PTPRT: variants seen among roughly 807,000 people sequenced by gnomAD.
PTPRT encodes receptor-type tyrosine-protein phosphatase T.
PTPRT carries 56 observed loss-of-function variants against 176.8 expected under a neutral mutation model. The observed-to-expected ratio is 0.32, with a 90% CI of 0.26 to 0.40. The LOEUF (loss-of-function observed/expected upper bound fraction) is 0.40. Among genes scored for constraint, PTPRT ranks in the 10% least tolerant of loss-of-function variants. PTPRT has a pLI of 1.00. For synonymous variants in PTPRT, 783 were observed against 739.0 expected, an observed-to-expected ratio of 1.06 and a Z score of -0.96; for missense variants, 1,540 against 1,908.2, an observed-to-expected ratio of 0.81 and a Z score of 3.60.
At chr20:42,180,219 T>A (rs1681676939) in intron 16 of PTPRT, among the ~76,000 whole-genome samples, 1 of 152,278 alleles carries the variant, frequency 6.6e-6, no homozygotes, top group Middle Eastern at 3.4e-3. Flanking sequence ...GAGAAGTCCA[T>A]ATTTCTTATG....
intron 2 of PTPRT, among the ~76,000 whole-genome samples, chr20:42,836,636 G>A (rs1012112755): frequency 3.3e-5 from 5 of 152,174 alleles, no homozygotes; most frequent in African/African-American, 7.2e-5. Context: ...GGGATGAGCC[G>A]AGCTTTGGAA....
chr20:42,876,014 A>T (rs1412621162), intron 2 of PTPRT, among the ~76,000 whole-genome samples: 1 of 152,184 alleles, frequency 6.6e-6, no homozygotes, highest in African/African-American at 2.4e-5. Flanking sequence ...CTATTACCAC[A>T]TACAGATACT....
At chr20:42,899,603 C>T (rs2079366001) in intron 1 of PTPRT, among the ~76,000 whole-genome samples, 1 of 152,196 alleles carries the variant, frequency 6.6e-6, no homozygotes, top group Non-Finnish European at 1.5e-5. Context: ...TGTTTATTTA[C>T]TCATTTACTT....
intron 1 of PTPRT, among the ~76,000 whole-genome samples, chr20:43,157,318 G>A (rs1302747123): frequency 6.6e-6 from 1 of 152,166 alleles, no homozygotes; most frequent in Non-Finnish European, 1.5e-5. Flanking sequence ...GAGTCCTGAT[G>A]ATGCCACTGC....
chr20:42,230,973 G>A (rs2056122387), intron 15 of PTPRT, among the ~76,000 whole-genome samples: 1 of 152,028 alleles, frequency 6.6e-6, no homozygotes, highest in Admixed American at 6.6e-5. Context: ...CTAACCCTTT[G>A]GCTACCTCTG....
chr20:42,495,685 CAT>C (rs1478153204), intron 7 of PTPRT, among the ~76,000 whole-genome samples: 1 of 152,158 alleles, frequency 6.6e-6, no homozygotes, highest in African/African-American at 2.4e-5. Flanking sequence ...CTATTTAAGA[CAT>C]AGGGGAAAAT....
chr20:42,248,387 A>T (rs891600231), intron 14 of PTPRT, among the ~76,000 whole-genome samples: 2 of 152,188 alleles, frequency 1.3e-5, no homozygotes, highest in African/African-American at 4.8e-5. Context: ...CACAGCAGTT[A>T]ACTCCTATAA....
intron 9 of PTPRT, among the ~76,000 whole-genome samples, chr20:42,435,886 T>C (rs1397363166): frequency 1.3e-5 from 2 of 152,140 alleles, no homozygotes; most frequent in Non-Finnish European, 2.9e-5. Flanking sequence ...GAAGCTGTAA[T>C]AAATATGACT....
At chr20:42,218,363 T>G (rs949316978) in intron 15 of PTPRT, among the ~76,000 whole-genome samples, 1 of 152,238 alleles carries the variant, frequency 6.6e-6, no homozygotes, top group East Asian at 1.9e-4. Flanking sequence ...AGGATAATTT[T>G]CCTTTCTTCT....
intron 6 of PTPRT, among the ~76,000 whole-genome samples, chr20:42,715,543 G>A (rs2076210082): frequency 1.3e-5 from 2 of 152,178 alleles, no homozygotes; most frequent in Non-Finnish European, 2.9e-5. Flanking sequence ...TAGTAGCAGT[G>A]CAGGCACTGC....
At chr20:42,400,469 C>G (rs1264994753) in intron 9 of PTPRT, among the ~76,000 whole-genome samples, 6 of 152,010 alleles carry the variant, frequency 3.9e-5, no homozygotes, top group Admixed American at 3.9e-4. Flanking sequence ...CATTTGTGAG[C>G]AAGGACAAAC....
rs1377615608 is a variant in PTPRT, at chr20:42,791,475, C to A, written c.215-9G>T. On this transcript the variant is annotated splice_polypyrimidine_tract_variant and intron_variant, in intron 2 of 30. Transcript: ENST00000373187. ...CACCATCATGAAAGATCCTGGAGAC[C>A]CACAAAGCAGGTGGGAAGTAGAGAC... 1.9e-6 allele frequency: 3 copies of A among 1,604,620 alleles called. No homozygotes were observed. Among genetic ancestry groups the A allele is most frequent in the African/African-American group, 2.7e-5 (2 of 74,806 alleles).
At chr20:42,237,492 G>A (rs562886728) in intron 14 of PTPRT, among the ~76,000 whole-genome samples, 72 of 152,336 alleles carry the variant, frequency 4.7e-4, no homozygotes, top group African/African-American at 1.7e-3. Context: ...GGAGGGTACT[G>A]AGCAAGTGAG....
At chr20:42,741,518 G>A (rs1235601300) in intron 6 of PTPRT, among the ~76,000 whole-genome samples, 1 of 152,064 alleles carries the variant, frequency 6.6e-6, no homozygotes, top group African/African-American at 2.4e-5. Context: ...CTAATTTCTT[G>A]TATTTTTAGT....
At chr20:42,977,470 G>T (rs1289162711) in intron 1 of PTPRT, among the ~76,000 whole-genome samples, 1 of 151,736 alleles carries the variant, frequency 6.6e-6, no homozygotes, top group Admixed American at 6.6e-5. Context: ...AGAAATACTT[G>T]TTTATTATAA....
chr20:43,118,992 C>A (rs2013157038), intron 1 of PTPRT, among the ~76,000 whole-genome samples: 1 of 152,156 alleles, frequency 6.6e-6, no homozygotes, highest in African/African-American at 2.4e-5. Context: ...TATGAGTAAG[C>A]TGTTCATTAA....
chr20:42,665,486 CT>C (rs1213742475), intron 7 of PTPRT, among the ~76,000 whole-genome samples: 63 of 152,172 alleles, frequency 4.1e-4, no homozygotes, highest in Middle Eastern at 3.4e-3. Context: ...CACTTTTACA[CT>C]GTTGGTGGGA....
rs77495346 is a variant in PTPRT, at chr20:42,181,277, G to C, written c.2491+17963C>G. Among the ~76,000 whole-genome samples, 79 of 152,330 alleles carry C rather than the reference G, an allele frequency of 5.2e-4. 1 individual carries two copies. The East Asian group carries it at 0.015, about 29-fold the overall frequency. On this transcript the variant is annotated intron_variant, in intron 16 of 30. Coordinates refer to ENST00000373187, the MANE Select transcript of PTPRT (RefSeq NM_007050.6). ...GAAGCCTAGAGCCCTCTGGAGGAGA[G>C]AGGGGAGATCACAAGGGTAGGGGCA...
intron 1 of PTPRT, among the ~76,000 whole-genome samples, chr20:42,919,211 G>A (rs949401712): frequency 3.9e-5 from 6 of 152,186 alleles, no homozygotes; most frequent in Non-Finnish European, 7.3e-5. Context: ...ATTTGGTCGG[G>A]CAGCTGGGAA....
Sources: allele counts gnomAD v4.1 joint callset (sites outside exome capture counted in the v4.1 genomes callset), GRCh38; gene constraint gnomAD v4.1.1; transcripts MANE v1.5; gene names NCBI Gene and HGNC (gene_info 2026-07-23, HGNC 2026-07-21).